The following SEMA3C variants were observed in gnomAD, a reference collection of about 807,000 sequenced individuals.
SEMA3C encodes semaphorin-3C.
In SEMA3C, 47 loss-of-function variants were observed where a neutral mutation model predicts 89.4. The observed-to-expected ratio is 0.53, with a 90% confidence interval of 0.42 to 0.67. The LOEUF (loss-of-function observed/expected upper bound fraction) is 0.67. SEMA3C is among the 30% of genes least tolerant of loss of function. The pLI, the probability that SEMA3C is intolerant of heterozygous loss-of-function variation, is 0.00. For synonymous variants in SEMA3C, 310 were observed against 320.2 expected, an observed-to-expected ratio of 0.97 and a Z score of 0.34; for missense variants, 839 against 929.1, an observed-to-expected ratio of 0.90 and a Z score of 1.26.
At chr7:80,756,820 AC>A (rs1322374414) in intron 15 of SEMA3C, among the ~76,000 whole-genome samples, 2 of 89,638 alleles carry the variant, frequency 2.2e-5, no homozygotes, top group African/African-American at 3.1e-4. Flanking sequence ...CCTTTCTGAC[AC>A]CCACCCATTT....
intron 2 of SEMA3C, among the ~76,000 whole-genome samples, chr7:80,834,313 C>A (rs1417677641): frequency 6.6e-6 from 1 of 152,014 alleles, no homozygotes; most frequent in Non-Finnish European, 1.5e-5. Flanking sequence ...AAATTTGCTG[C>A]ACAATATGCT....
rs933609089 is a variant in SEMA3C at position 80,856,651 on chromosome 7, G to A, written c.104-27906C>T. ...GGATTAATAAACAAATGAGCTTTGCGAATATAAACTCTTTTCTGGAAAAAA... is the reference window on the plus strand; with the variant it reads ...GGATTAATAAACAAATGAGCTTTGCAAATATAAACTCTTTTCTGGAAAAAA... On this transcript the variant is annotated intron_variant, in intron 2 of 17. Transcript: ENST00000265361. Among the ~76,000 whole-genome samples the A allele has an allele frequency of 4.0e-5, 6 of 149,078 alleles. No individual in the cohort carries two copies. In the East Asian group the frequency reaches 9.8e-4, roughly 24 times the overall value.
Position 80,791,029 on chromosome 7 carries a change from G to A in SEMA3C, c.1132-1501C>T, listed in dbSNP as rs548538616. Among the ~76,000 whole-genome samples the A allele has an allele frequency of 4.6e-5, 7 of 152,130 alleles. No homozygotes were observed. In the South Asian group the frequency reaches 6.2e-4, roughly 14 times the overall value. ...GTATCTGGCCTGCAATTTTGGTGCC[G>A]GGTCTGTATGAAACAGGGGCCTCAA... On this transcript the variant is annotated intron_variant, in intron 11 of 17. Transcript: ENST00000265361.
At chr7:80,835,522 G>A (rs1409084707) in intron 2 of SEMA3C, among the ~76,000 whole-genome samples, 2 of 152,030 alleles carry the variant, frequency 1.3e-5, no homozygotes, top group African/African-American at 4.8e-5. Context: ...GGGCTCAAGT[G>A]ACCCATCCTC....
At chr7:80,894,303 G>A (rs1490494608) in intron 2 of SEMA3C, among the ~76,000 whole-genome samples, 3 of 150,504 alleles carry the variant, frequency 2.0e-5, no homozygotes, top group Non-Finnish European at 2.9e-5. Flanking sequence ...TTTGTAATTA[G>A]GAAATAAAAT....
At chr7:80,921,831 G>C (rs1394019874), upstream of SEMA3C, among the ~76,000 whole-genome samples, 6 of 152,088 alleles carry the variant, frequency 3.9e-5, no homozygotes, top group Non-Finnish European at 8.8e-5. Context: ...TGTTTTTGAT[G>C]GTCCTGAGGA....
At chr7:80,782,132 C>T (rs562948238) in intron 12 of SEMA3C, among the ~76,000 whole-genome samples, 10 of 152,294 alleles carry the variant, frequency 6.6e-5, no homozygotes, top group Admixed American at 4.6e-4. Flanking sequence ...TAAAGTTCTA[C>T]TCCCTTTCCA....
chr7:80,748,430 A>G (rs1056083147), intron 17 of SEMA3C, among the ~76,000 whole-genome samples: 1 of 152,202 alleles, frequency 6.6e-6, no homozygotes, highest in African/African-American at 2.4e-5. Flanking sequence ...AAGAGTTATG[A>G]ATAATAAAAC....
intron 5 of SEMA3C, among the ~76,000 whole-genome samples, chr7:80,811,738 A>C (rs935677312): frequency 3.3e-5 from 5 of 152,168 alleles, no homozygotes; most frequent in African/African-American, 1.2e-4. Context: ...GGAGATTGGG[A>C]ATGAAATGTA....
chr7:80,844,192 T>A lies in SEMA3C; in HGVS notation c.104-15447A>T, dbSNP rs75666512. 8.7e-3 allele frequency among the ~76,000 whole-genome samples: 1,319 copies of A among 152,250 alleles called. 48 individuals carry two copies. The East Asian group carries it at 0.11, about 13-fold the overall frequency. ...TATAGCTGCAGTCTTCAAATTTTAATGCACATACGAAATATGTAAGTTGCT... is the reference window on the plus strand; with the variant it reads ...TATAGCTGCAGTCTTCAAATTTTAAAGCACATACGAAATATGTAAGTTGCT... On this transcript the variant is annotated intron_variant, in intron 2 of 17. Transcript: ENST00000265361.
At chr7:80,913,590 G>C (rs1230003689) in intron 2 of SEMA3C, among the ~76,000 whole-genome samples, 2 of 152,136 alleles carry the variant, frequency 1.3e-5, no homozygotes, top group African/African-American at 4.8e-5. Flanking sequence ...TATACTAAAA[G>C]CATTTGTGTG....
At chr7:80,871,099 G>A (rs559102825) in intron 2 of SEMA3C, among the ~76,000 whole-genome samples, 10 of 152,286 alleles carry the variant, frequency 6.6e-5, no homozygotes, top group Non-Finnish European at 1.5e-4. Context: ...TTCTGTCAGT[G>A]TTCCATTTAA....
chr7:80,908,959 T>C (rs768267088), intron 2 of SEMA3C, among the ~76,000 whole-genome samples: 6 of 152,176 alleles, frequency 3.9e-5, no homozygotes, highest in Admixed American at 6.6e-5. Flanking sequence ...ATACCAGGAA[T>C]ACAACAGCTT....
intron 13 of SEMA3C, among the ~76,000 whole-genome samples, chr7:80,762,021 G>A (rs1488894551): frequency 4.1e-5 from 6 of 146,864 alleles, no homozygotes; most frequent in African/African-American, 7.6e-5. Context: ...CCTGGGAGGC[G>A]AAGGTTGTAG....
intron 12 of SEMA3C, among the ~76,000 whole-genome samples, chr7:80,770,589 C>A (rs1788406979): frequency 1.3e-5 from 2 of 152,210 alleles, no homozygotes. Flanking sequence ...TAAAGCCTAG[C>A]CAGAATCACT....
At chr7:80,891,102 G>C in intron 2 of SEMA3C, among the ~76,000 whole-genome samples, 1 of 152,094 alleles carries the variant, frequency 6.6e-6, no homozygotes, top group East Asian at 1.9e-4. Context: ...TAGTAATAGA[G>C]GACTTGCTTC....
At position 80,749,017 on chromosome 7, in the gene SEMA3C, C is replaced by T. The variant is rs781658417; in HGVS notation, c.1723G>A (p.Ala575Thr). Residue 575 changes from alanine to threonine, a missense_variant, in exon 17 of 18, where the codon GCA becomes ACA. Physicochemically the swap from Ala to Thr is moderately conservative, Grantham distance 58. Transcript: ENST00000265361. ...RGFNLKAYRN[A>T]AEIVQYGVKN... ...ACTCCATACTGGACAATTTCAGCTG[C>T]ATTTCTGTATGCTAGCAGGCAAAAA... The T allele has an allele frequency of 6.2e-7, 1 of 1,604,280 alleles. No individual in the cohort carries two copies. Among genetic ancestry groups the T allele is most frequent in the Non-Finnish European group, 8.5e-7 (1 of 1,176,848 alleles).
intron 10 of SEMA3C, among the ~76,000 whole-genome samples, chr7:80,799,906 CT>C (rs1158075567): frequency 4.7e-5 from 7 of 148,458 alleles, no homozygotes; most frequent in African/African-American, 1.7e-4. Context: ...AATCCCAACA[CT>C]TTGGGAGGCT....
chr7:80,851,365 C>T (rs546778254), intron 2 of SEMA3C, among the ~76,000 whole-genome samples: 9 of 151,564 alleles, frequency 5.9e-5, no homozygotes, highest in Middle Eastern at 3.4e-3. Context: ...ATTAGCCAGG[C>T]GTGGGGCAGG....
Sources: gnomAD v4.1 joint callset for allele counts (sites outside exome capture counted in the v4.1 genomes callset) on GRCh38, gnomAD v4.1.1 for gene constraint, MANE v1.5 for transcripts, NCBI Gene and HGNC (gene_info 2026-07-23, HGNC 2026-07-21) for gene names.